The following LRMDA variants were observed in gnomAD, a reference collection of about 807,000 sequenced individuals.
LRMDA encodes leucine rich melanocyte differentiation associated, also known as leucine-rich melanocyte differentiation-associated protein.
LRMDA carries 18 observed loss-of-function variants against 29.8 expected under a neutral mutation model. The ratio of observed to expected loss-of-function variants is 0.60; its 90% CI spans 0.42 to 0.90. The LOEUF is 0.90. Among genes scored for constraint, LRMDA ranks in the 40% least tolerant of loss-of-function variants. The pLI is 0.00. For synonymous variants in LRMDA, 125 were observed against 109.4 expected, an observed-to-expected ratio of 1.14 and a Z score of -0.89; for missense variants, 273 against 273.9, an observed-to-expected ratio of 1.00 and a Z score of 0.02.
intron 5 of LRMDA, among the ~76,000 whole-genome samples, chr10:76,071,578 A>T (rs1289201782): frequency 2.6e-5 from 4 of 152,226 alleles, no homozygotes; most frequent in Non-Finnish European, 5.9e-5. Flanking sequence ...GTAAAAATGA[A>T]CAGGGCGAGT....
intron 5 of LRMDA, among the ~76,000 whole-genome samples, chr10:76,118,840 C>CTTTTT (rs962279433): frequency 8.9e-4 from 41 of 45,996 alleles, no homozygotes; most frequent in South Asian, 1.8e-3. Context: ...TGCAAATACA[C>CTTTTT]TTTTTTTTTT....
At chr10:76,065,642 T>A (rs921437992) in intron 5 of LRMDA, among the ~76,000 whole-genome samples, 4 of 152,258 alleles carry the variant, frequency 2.6e-5, no homozygotes, top group Non-Finnish European at 4.4e-5. Flanking sequence ...GGGGATAAGA[T>A]GAGTAACTCT....
At chr10:75,943,871 G>A (rs1357855330) in intron 2 of LRMDA, among the ~76,000 whole-genome samples, 1 of 152,136 alleles carries the variant, frequency 6.6e-6, no homozygotes, top group Non-Finnish European at 1.5e-5. Flanking sequence ...GTGGTTGTAT[G>A]CTCTGCTCTG....
intron 5 of LRMDA, among the ~76,000 whole-genome samples, chr10:76,307,714 C>A (rs1033880566): frequency 2.6e-5 from 4 of 152,090 alleles, no homozygotes; most frequent in African/African-American, 9.7e-5. Flanking sequence ...GAAAGAGAAA[C>A]TCTTTCTTTT....
chr10:76,062,438 G>A (rs771946246), intron 5 of LRMDA, among the ~76,000 whole-genome samples: 1 of 152,192 alleles, frequency 6.6e-6, no homozygotes, highest in Non-Finnish European at 1.5e-5. Context: ...CGATGTCGCA[G>A]AGGTCTGATT....
intron 2 of LRMDA, among the ~76,000 whole-genome samples, chr10:75,482,158 C>T (rs1047608372): frequency 1.3e-5 from 2 of 152,132 alleles, no homozygotes; most frequent in Non-Finnish European, 2.9e-5. Flanking sequence ...GGCATGGTCA[C>T]GGAACTTGCT....
intron 6 of LRMDA, chr10:76,536,047 G>A (rs938778901): frequency 2.6e-5 from 4 of 152,104 alleles, no homozygotes; most frequent in Non-Finnish European, 4.4e-5. Flanking sequence ...AAAGTGCTCG[G>A]ATTACAGGCA....
intron 2 of LRMDA, among the ~76,000 whole-genome samples, chr10:75,852,540 AAC>A (rs1491283247): frequency 2.1e-4 from 20 of 97,542 alleles, no homozygotes; most frequent in Middle Eastern, 4.3e-3. Flanking sequence ...CAACAACAAC[AAC>A]AAAAAAAACA....
chr10:76,140,142 T>G (rs929376337), intron 5 of LRMDA, among the ~76,000 whole-genome samples: 1 of 152,132 alleles, frequency 6.6e-6, no homozygotes, highest in Non-Finnish European at 1.5e-5. Flanking sequence ...GTAAGGATTA[T>G]TTTGAGCTGA....
chr10:75,994,398 G>T (rs1847424193), intron 2 of LRMDA, among the ~76,000 whole-genome samples: 1 of 152,208 alleles, frequency 6.6e-6, no homozygotes, highest in African/African-American at 2.4e-5. Flanking sequence ...ATTGTACAGT[G>T]CCACAGTCTC....
At chr10:76,352,806 G>A (rs912251937) in intron 6 of LRMDA, among the ~76,000 whole-genome samples, 1 of 152,022 alleles carries the variant, frequency 6.6e-6, no homozygotes, top group African/African-American at 2.4e-5. Context: ...AGTGGTTGTG[G>A]ATGGAATCAG....
intron 6 of LRMDA, among the ~76,000 whole-genome samples, chr10:76,437,953 G>T (rs977185370): frequency 3.3e-5 from 5 of 152,196 alleles, no homozygotes; most frequent in African/African-American, 9.7e-5. Flanking sequence ...AAACTGAAGA[G>T]CAGGGAAGCT....
At chr10:76,555,914 T>A (rs887670149) in intron 6 of LRMDA, among the ~76,000 whole-genome samples, 1 of 152,184 alleles carries the variant, frequency 6.6e-6, no homozygotes, top group African/African-American at 2.4e-5. Flanking sequence ...CTTTCTTTGT[T>A]TTTTTCTAGT....
At chr10:75,918,459 G>T (rs1383786234) in intron 2 of LRMDA, among the ~76,000 whole-genome samples, 2 of 152,014 alleles carry the variant, frequency 1.3e-5, no homozygotes, top group East Asian at 3.9e-4. Context: ...AGAGAGAGGA[G>T]CAGGAGGTGC....
At chr10:75,507,057 A>G (rs923280981) in intron 2 of LRMDA, among the ~76,000 whole-genome samples, 2 of 150,882 alleles carry the variant, frequency 1.3e-5, no homozygotes, top group African/African-American at 2.4e-5. Context: ...ATGCTCATTC[A>G]GGTGCAAAAT....
intron 5 of LRMDA, among the ~76,000 whole-genome samples, chr10:76,130,173 C>A (rs1249876835): frequency 6.7e-6 from 1 of 149,266 alleles, no homozygotes; most frequent in African/African-American, 2.5e-5. Context: ...ACAAAAGATA[C>A]TGGGTGCAGG....
At chr10:76,257,556 A>G (rs1283176630) in intron 5 of LRMDA, among the ~76,000 whole-genome samples, 2 of 151,678 alleles carry the variant, frequency 1.3e-5, no homozygotes, top group Non-Finnish European at 2.9e-5. Context: ...CTGGTCTCGA[A>G]CTCCTGACCT....
intron 2 of LRMDA, among the ~76,000 whole-genome samples, chr10:75,706,725 G>A (rs1244139656): frequency 6.8e-6 from 1 of 147,236 alleles, no homozygotes; most frequent in South Asian, 2.2e-4. Context: ...GAGAATTATT[G>A]GTACCACTTT....
intron 5 of LRMDA, among the ~76,000 whole-genome samples, chr10:76,238,281 C>T (rs1376219797): frequency 6.6e-6 from 1 of 152,146 alleles, no homozygotes; most frequent in African/African-American, 2.4e-5. Context: ...TATGTCCTCA[C>T]AGCCTAATGA....
Sources: allele counts gnomAD v4.1 joint callset (sites outside exome capture counted in the v4.1 genomes callset), GRCh38; gene constraint gnomAD v4.1.1; transcripts MANE v1.5; gene names NCBI Gene and HGNC (gene_info 2026-07-23, HGNC 2026-07-21).